SLC24A2: variants seen among roughly 807,000 people sequenced by gnomAD.
SLC24A2 encodes the protein sodium/potassium/calcium exchanger 2.
A neutral mutation model predicts 62.0 loss-of-function variants in SLC24A2; 36 were observed. The observed-to-expected ratio is 0.58, with a 90% CI of 0.44 to 0.77. The LOEUF (loss-of-function observed/expected upper bound fraction) is 0.77. SLC24A2 is among the 30% of genes least tolerant of loss of function. The pLI, the probability that SLC24A2 is intolerant of heterozygous loss-of-function variation, is 0.00. For synonymous variants in SLC24A2, 358 were observed against 294.0 expected, an observed-to-expected ratio of 1.22 and a Z score of -2.23; for missense variants, 846 against 817.9, an observed-to-expected ratio of 1.03 and a Z score of -0.42.
At chr9:19,685,165 C>T (rs1819843714) in intron 2 of SLC24A2, among the ~76,000 whole-genome samples, 1 of 151,970 alleles carries the variant, frequency 6.6e-6, no homozygotes, top group Non-Finnish European at 1.5e-5. Flanking sequence ...TCATAATAGC[C>T]ACAAAGAGAA....
intron 7 of SLC24A2, among the ~76,000 whole-genome samples, chr9:19,566,929 G>A (rs1835674487): frequency 6.6e-6 from 1 of 151,106 alleles, no homozygotes; most frequent in South Asian, 2.1e-4. Flanking sequence ...TTGGACACAG[G>A]ACGGGGAACA....
chr9:19,905,722 A>G, the SLC24A2 span, among the ~76,000 whole-genome samples: 1 of 152,028 alleles, frequency 6.6e-6, no homozygotes, highest in Admixed American at 6.6e-5. Context: ...GGGACCTCCT[A>G]TTTTCAGAGA....
intron 8 of SLC24A2, among the ~76,000 whole-genome samples, chr9:19,545,238 T>C (rs1834492208): frequency 6.6e-6 from 1 of 152,000 alleles, no homozygotes; most frequent in South Asian, 2.1e-4. Flanking sequence ...TAGTTGTGTA[T>C]GCTTCACAGA....
the SLC24A2 span, among the ~76,000 whole-genome samples, chr9:19,820,451 TA>T: frequency 2.2e-4 from 33 of 150,152 alleles, no homozygotes; most frequent in East Asian, 1.4e-3. Context: ...ATAATAAATT[TA>T]AAAAAAAATT....
the SLC24A2 span, among the ~76,000 whole-genome samples, chr9:20,202,353 C>T: frequency 1.3e-5 from 2 of 152,120 alleles, no homozygotes; most frequent in Admixed American, 1.3e-4. Context: ...GTGTGAAACT[C>T]CTTCTGTGCA....
At chr9:19,549,323 C>G (rs920907474) in intron 8 of SLC24A2, among the ~76,000 whole-genome samples, 1 of 152,198 alleles carries the variant, frequency 6.6e-6, no homozygotes, top group Non-Finnish European at 1.5e-5. Context: ...CTCTTCCCAA[C>G]AGGAGAGTGA....
At chr9:20,042,131 T>C in the SLC24A2 span, among the ~76,000 whole-genome samples, 10 of 152,334 alleles carry the variant, frequency 6.6e-5, no homozygotes, top group Non-Finnish European at 1.3e-4. Context: ...TGGCAGGAAT[T>C]GGCTGGGGTC....
chr9:19,996,812 G>A, the SLC24A2 span, among the ~76,000 whole-genome samples: 1 of 150,402 alleles, frequency 6.6e-6, no homozygotes, highest in African/African-American at 2.4e-5. Flanking sequence ...CCTCCATAAC[G>A]AGTAACACCT....
chr9:19,781,101 A>G (rs1044058722), intron 2 of SLC24A2, among the ~76,000 whole-genome samples: 26 of 152,202 alleles, frequency 1.7e-4, no homozygotes, highest in African/African-American at 5.1e-4. Context: ...TGCTTGTGAA[A>G]CTGAATTAAA....
At chr9:19,799,345 C>T in the SLC24A2 span, among the ~76,000 whole-genome samples, 4 of 152,198 alleles carry the variant, frequency 2.6e-5, no homozygotes, top group African/African-American at 9.6e-5. Context: ...AGTAATTCTT[C>T]TTCTGTATAT....
chr9:19,584,078 G>A (rs920241630), intron 5 of SLC24A2, among the ~76,000 whole-genome samples: 2 of 152,020 alleles, frequency 1.3e-5, no homozygotes, highest in African/African-American at 4.8e-5. Context: ...TTCCCCAGCA[G>A]AGAGCAGTCT....
chr9:19,763,249 G>A (rs1301979313), intron 2 of SLC24A2, among the ~76,000 whole-genome samples: 5 of 152,058 alleles, frequency 3.3e-5, no homozygotes, highest in South Asian at 2.1e-4. Flanking sequence ...ATATACAATC[G>A]TGTCATCTGC....
At chr9:20,227,061 ACTTTATCT>A in the SLC24A2 span, among the ~76,000 whole-genome samples, 11 of 152,146 alleles carry the variant, frequency 7.2e-5, no homozygotes, top group Non-Finnish European at 1.3e-4. Context: ...ACTGGTGGTA[ACTTTATCT>A]CAGCGTTAGT....
At chr9:19,769,751 G>A (rs1444341170) in intron 2 of SLC24A2, among the ~76,000 whole-genome samples, 1 of 152,118 alleles carries the variant, frequency 6.6e-6, no homozygotes, top group East Asian at 1.9e-4. Context: ...TCCAAGCCAT[G>A]AGTCCTGGTG....
At chr9:19,560,926 G>T (rs868750801) in intron 7 of SLC24A2, among the ~76,000 whole-genome samples, 8,813 of 141,550 alleles carry the variant, frequency 0.062, 304 homozygotes, top group Admixed American at 0.13. Flanking sequence ...TAGAGAGAGA[G>T]AGAGAGAGAG....
the SLC24A2 span, among the ~76,000 whole-genome samples, chr9:19,990,732 G>A: frequency 6.7e-6 from 1 of 150,114 alleles, no homozygotes; most frequent in Non-Finnish European, 1.5e-5. Flanking sequence ...GTAGCATAAT[G>A]AAATCTTATG....
the SLC24A2 span, among the ~76,000 whole-genome samples, chr9:19,877,160 T>C: frequency 6.6e-6 from 1 of 151,204 alleles, no homozygotes; most frequent in Non-Finnish European, 1.5e-5. Context: ...CCTCCCTTTT[T>C]ATTGGGCCCC....
chr9:20,054,183 T>C, the SLC24A2 span, among the ~76,000 whole-genome samples: 2 of 152,064 alleles, frequency 1.3e-5, no homozygotes, highest in East Asian at 3.9e-4. Flanking sequence ...TCTTTTCTTT[T>C]CTTTTATTTT....
At chr9:19,966,240 T>C in the SLC24A2 span, among the ~76,000 whole-genome samples, 3 of 152,300 alleles carry the variant, frequency 2.0e-5, no homozygotes, top group African/African-American at 4.8e-5. Context: ...GGGTTTTGGA[T>C]TGTGTCTAGC....
Sources: allele counts gnomAD v4.1 joint callset (sites outside exome capture counted in the v4.1 genomes callset), GRCh38; gene constraint gnomAD v4.1.1; transcripts MANE v1.5; gene names NCBI Gene and HGNC (gene_info 2026-07-23, HGNC 2026-07-21).